TMEM132E: variants seen among roughly 807,000 people sequenced by gnomAD.
TMEM132E encodes the protein transmembrane protein 132E.
In TMEM132E, 49 loss-of-function variants were observed where a neutral mutation model predicts 78.5. The observed-to-expected ratio is 0.62, with a 90% CI of 0.50 to 0.79. TMEM132E has a LOEUF of 0.79. Ranked by LOEUF, TMEM132E falls within the 30% of genes least tolerant of loss-of-function variation. The pLI is 0.00. For synonymous variants in TMEM132E, 715 were observed against 670.6 expected (o/e 1.07, Z -1.02); for missense variants, 1,403 against 1,470.9 (o/e 0.95, Z 0.75).
rs1048675088 is a variant in TMEM132E, at chr17:34,638,368, C to T, written c.*136C>T. ...ACTCCCTGCCCCTGCAGCTTGGCTCCGTGCGGAGCGGGCCGCCTCAGTGTC... is the reference window on the plus strand; with the variant it reads ...ACTCCCTGCCCCTGCAGCTTGGCTCTGTGCGGAGCGGGCCGCCTCAGTGTC... On this transcript the variant is annotated 3_prime_UTR_variant, in exon 9 of 9. Coordinates refer to ENST00000631683, the MANE Select transcript of TMEM132E (RefSeq NM_001304438.2). The T allele has an allele frequency of 2.0e-6, 2 of 1,011,094 alleles. No homozygotes were observed. Among genetic ancestry groups the T allele is most frequent in the Non-Finnish European group, 2.8e-6 (2 of 716,426 alleles). The allele number at this position is 1,011,094 out of a possible 1,614,324, so 62.6% of individuals were successfully genotyped here. A position where few individuals can be genotyped will look rare whatever the true frequency, so the allele number is the denominator to read the frequency against.
chr17:34,581,998 C>T (rs977010297), intron 1 of TMEM132E, among the ~76,000 whole-genome samples: 5 of 151,936 alleles, frequency 3.3e-5, no homozygotes, highest in South Asian at 2.1e-4. Context: ...GCGGGCCTTC[C>T]GCAAGCTGGA....
chr17:34,629,074 AG>A lies in TMEM132E; in HGVS notation c.1209del (p.Gln403HisfsTer29), dbSNP rs1425023265. 1 of 1,602,810 alleles carries A rather than the reference AG, an allele frequency of 6.2e-7. No homozygotes were observed. The highest frequency in any genetic ancestry group is 8.5e-7 in the Non-Finnish European group (1 of 1,172,440). ...TTTGAAATGGAGAACTTCACCAGCC[AG>A]TCAGTCAAGCGGAGGATCATGTGGC... ...LDFEMENFTS[Q>X]SVKRRIMWHI... On this transcript the variant is annotated frameshift_variant, in exon 4 of 9. Transcript: ENST00000631683. LOFTEE classifies it high-confidence loss of function.
At chr17:34,602,851 T>C (rs889468623) in intron 1 of TMEM132E, among the ~76,000 whole-genome samples, 2 of 152,186 alleles carry the variant, frequency 1.3e-5, no homozygotes, top group African/African-American at 2.4e-5. Context: ...GCCAGGACCA[T>C]TGGCGCCAAG....
At chr17:34,613,227 G>GCGCGCGCGCT (rs57158566) in intron 1 of TMEM132E, among the ~76,000 whole-genome samples, 1 of 149,972 alleles carries the variant, frequency 6.7e-6, no homozygotes, top group Non-Finnish European at 1.5e-5. Flanking sequence ...GCGCGCGCGC[G>GCGCGCGCGCT]TTCTTACATT....
In TMEM132E at chr17:34,637,544, G is replaced by C; in HGVS notation, c.2537G>C (p.Gly846Ala). Residue 846 changes from glycine to alanine, a missense_variant, in exon 9 of 9, where the codon GGC becomes GCC. Gly to Ala is a moderately conservative substitution (Grantham distance 60). Around this residue, in one of 3 missense-constraint regions of TMEM132E, gnomAD observed 888 missense variants for 952.8 expected, o/e 0.93. Transcript: ENST00000631683. ...GAGGCCCGGGGAGCTGGCCCGCCGG[G>C]CTCTGCGCTACCCGCACCGGAGGCT... The part of the protein sequence containing the change: ...EDEARGAGPP[G>A]SALPAPEAPG... The C allele has an allele frequency of 6.3e-7, 1 of 1,598,272 alleles. No homozygotes were observed.
intron 1 of TMEM132E, among the ~76,000 whole-genome samples, chr17:34,613,141 G>A (rs1401934504): frequency 2.1e-5 from 3 of 143,588 alleles, no homozygotes; most frequent in Non-Finnish European, 1.5e-5. Context: ...CAGGCCTATG[G>A]TGGCACTCAC....
chr17:34,598,326 G>T (rs919169179), intron 1 of TMEM132E, among the ~76,000 whole-genome samples: 7 of 152,150 alleles, frequency 4.6e-5, no homozygotes, highest in African/African-American at 2.4e-5. Flanking sequence ...TGATGGGACA[G>T]TGAGGGAGAC....
Position 34,628,786 on chromosome 17 carries a change from G to A in TMEM132E, c.1145+77G>A, listed in dbSNP as rs947310870. On this transcript the variant is annotated intron_variant, in intron 3 of 8. Coordinates refer to ENST00000631683, the MANE Select transcript of TMEM132E (RefSeq NM_001304438.2). ...GAGGAGTGGGGAATCTTTGAAGGAG[G>A]AGGCTAGGCTTGGGGAGGGCTGGGG... 1.7e-5 allele frequency: 25 copies of A among 1,472,758 alleles called. No individual in the cohort carries two copies. In the African/African-American group the frequency reaches 3.3e-4, roughly 19 times the overall value. The allele number at this position is 1,472,758 out of a possible 1,614,324, so 91.2% of individuals were successfully genotyped here.
intron 1 of TMEM132E, among the ~76,000 whole-genome samples, chr17:34,615,105 C>A (rs1414814101): frequency 1.3e-5 from 2 of 149,974 alleles, no homozygotes; most frequent in African/African-American, 2.4e-5. Flanking sequence ...TCTCATACCA[C>A]CTTGCTGTAT....
intron 1 of TMEM132E, among the ~76,000 whole-genome samples, chr17:34,608,156 GA>G (rs1906476596): frequency 6.6e-6 from 1 of 152,338 alleles, no homozygotes; most frequent in African/African-American, 2.4e-5. Flanking sequence ...AGGTTTAGTT[GA>G]AAAGGGCTTA....
intron 3 of TMEM132E, 147 bp from the exon 4 acceptor site, chr17:34,628,865 G>A (rs1395475986): frequency 1.0e-5 from 14 of 1,363,912 alleles, no homozygotes; most frequent in East Asian, 9.9e-5. Context: ...CCTGGGGCTG[G>A]AGCACCTCAG....
chr17:34,604,713 G>C (rs1389570088), intron 1 of TMEM132E, among the ~76,000 whole-genome samples: 1 of 152,196 alleles, frequency 6.6e-6, no homozygotes, highest in East Asian at 1.9e-4. Flanking sequence ...GTAAGTCCTT[G>C]AGGGAGCAAA....
intron 5 of TMEM132E, among the ~76,000 whole-genome samples, chr17:34,631,280 A>G (rs1208030357): frequency 1.3e-5 from 2 of 152,148 alleles, no homozygotes; most frequent in East Asian, 3.9e-4. Flanking sequence ...GAGCCAGAGT[A>G]GATGGTCTGG....
intron 1 of TMEM132E, among the ~76,000 whole-genome samples, chr17:34,607,817 T>G (rs892252877): frequency 2.0e-5 from 3 of 151,824 alleles, no homozygotes; most frequent in Non-Finnish European, 4.4e-5. Flanking sequence ...GATGGAGAGG[T>G]ACATAGGGTG....
chr17:34,616,022 C>T (rs935931032), intron 1 of TMEM132E, among the ~76,000 whole-genome samples: 4 of 152,164 alleles, frequency 2.6e-5, no homozygotes, highest in Non-Finnish European at 4.4e-5. Flanking sequence ...GGATGTGAAG[C>T]CACTTGCCCA....
At chr17:34,610,139 C>G (rs1906538914) in intron 1 of TMEM132E, among the ~76,000 whole-genome samples, 1 of 152,224 alleles carries the variant, frequency 6.6e-6, no homozygotes, top group Non-Finnish European at 1.5e-5. Flanking sequence ...GCTCAGGGAG[C>G]TCTGCACTTC....
intron 8 of TMEM132E, 113 bp downstream of exon 8, chr17:34,636,311 A>G (rs1186630734): frequency 2.6e-5 from 29 of 1,101,890 alleles, no homozygotes; most frequent in Non-Finnish European, 3.5e-5. Context: ...TAGGAAATGG[A>G]GGATCTCTGC....
At chr17:34,632,162 C>T (rs934165088) in intron 5 of TMEM132E, among the ~76,000 whole-genome samples, 5 of 152,230 alleles carry the variant, frequency 3.3e-5, no homozygotes, top group Non-Finnish European at 7.3e-5. Context: ...AGCAGCCCCC[C>T]TCACCGGAAA....
At chr17:34,634,218 T>A (rs2142086123) in intron 6 of TMEM132E, among the ~76,000 whole-genome samples, 1 of 152,324 alleles carries the variant, frequency 6.6e-6, no homozygotes, top group Non-Finnish European at 1.5e-5. Flanking sequence ...GCTGAGAATT[T>A]CCCAAATCAT....
Sources: allele counts gnomAD v4.1 joint callset (sites outside exome capture counted in the v4.1 genomes callset), GRCh38; gene constraint gnomAD v4.1.1; regional missense constraint gnomAD v4.1.1; transcripts MANE v1.5; gene names NCBI Gene and HGNC (gene_info 2026-07-23, HGNC 2026-07-21).